NTN1: variants seen among roughly 807,000 people sequenced by gnomAD.
The protein encoded by NTN1 is netrin 1.
Under a neutral mutation model 54.2 loss-of-function variants are expected in NTN1, and 11 were observed. The observed-to-expected ratio is 0.20, with a 90% CI of 0.13 to 0.34. The LOEUF (loss-of-function observed/expected upper bound fraction) is 0.34. NTN1 is among the 10% of genes least tolerant of loss of function. The probability of loss-of-function intolerance (pLI) is 1.00; values close to 1 mark genes in which losing one functional copy is unlikely to be tolerated. For synonymous variants in NTN1, 371 were observed against 382.0 expected (o/e 0.97, Z 0.33); for missense variants, 740 against 893.1 (o/e 0.83, Z 2.18).
intron 5 of NTN1, among the ~76,000 whole-genome samples, chr17:9,183,974 G>A (rs1295615939): frequency 6.6e-6 from 1 of 152,202 alleles, no homozygotes; most frequent in Non-Finnish European, 1.5e-5. Context: ...AGGGCAGAAA[G>A]TGACAGTGGG....
the NTN1 span, among the ~76,000 whole-genome samples, chr17:9,006,520 A>C: frequency 9.9e-5 from 15 of 152,234 alleles, no homozygotes; most frequent in African/African-American, 3.6e-4. Flanking sequence ...AGGAGATGTG[A>C]GGTGTGTGTG....
chr17:9,021,424 G>A (rs1271272521), upstream of NTN1: 3 of 151,168 alleles, frequency 2.0e-5, no homozygotes, highest in African/African-American at 7.3e-5. Context: ...AACTTTGCTC[G>A]GAGCTGGCGG....
the NTN1 span, among the ~76,000 whole-genome samples, chr17:9,010,234 TG>T: frequency 6.6e-6 from 1 of 152,260 alleles, no homozygotes; most frequent in East Asian, 1.9e-4. Context: ...GAAGAACTCC[TG>T]GGGTCCCTGC....
chr17:9,091,620 A>ATTTT (rs1450874153), intron 2 of NTN1, among the ~76,000 whole-genome samples: 5 of 150,594 alleles, frequency 3.3e-5, no homozygotes, highest in African/African-American at 1.2e-4. Flanking sequence ...CGCCCGGCTG[A>ATTTT]TTTTGTATTT....
chr17:9,204,192 C>CTT (rs1421398235), intron 5 of NTN1, among the ~76,000 whole-genome samples: 5,754 of 146,470 alleles, frequency 0.039, 201 homozygotes, highest in East Asian at 0.14. Flanking sequence ...TCCTTCCTTC[C>CTT]CTCCTTCCTT....
chr17:9,007,360 TTTTC>T, the NTN1 span, among the ~76,000 whole-genome samples: 25 of 150,134 alleles, frequency 1.7e-4, no homozygotes, highest in African/African-American at 5.7e-4. Context: ...TCTCTCTCTC[TTTTC>T]TTTCTTTCCT....
rs114758143 is a variant in NTN1 at position 9,217,346 on chromosome 17, C to G, written c.1412-3822C>G. On this transcript the variant is annotated intron_variant, in intron 5 of 6. Transcript: ENST00000173229. ...CCAGATCCCAGCGTTGGGTCATCAT[C>G]AGTTTCGTTTTTGGCACTAGTGTGA... Among the ~76,000 whole-genome samples the G allele has an allele frequency of 7.0e-4, 106 of 152,320 alleles. 2 individuals carry two copies. Among genetic ancestry groups the G allele is most frequent in the African/African-American group, 2.3e-3 (94 of 41,564 alleles).
In NTN1 at chr17:9,069,563, G is replaced by A. The variant is rs533102224; in HGVS notation, c.1018+46172G>A. On this transcript the variant is annotated intron_variant, in intron 2 of 6. Coordinates refer to ENST00000173229, the MANE Select transcript of NTN1 (RefSeq NM_004822.3). ...GAGGTTATTTCCTTTTCAAGAGGAG[G>A]TTGAATTTTCTGAGCAGCTTTCTCC... Among the ~76,000 whole-genome samples the A allele has an allele frequency of 5.3e-5, 8 of 152,304 alleles. No homozygotes were observed. In the East Asian group the frequency reaches 1.5e-3, roughly 29 times the overall value.
chr17:9,088,935 T>A (rs1172403332), intron 2 of NTN1, among the ~76,000 whole-genome samples: 1 of 152,144 alleles, frequency 6.6e-6, no homozygotes, highest in Admixed American at 6.6e-5. Flanking sequence ...CTGAACTATT[T>A]AAACGGTTGG....
chr17:9,113,024 T>A (rs553804708), intron 2 of NTN1, among the ~76,000 whole-genome samples: 38 of 145,440 alleles, frequency 2.6e-4, no homozygotes, highest in African/African-American at 8.9e-4. Context: ...ACAGAATTTT[T>A]TTTATTTTTA....
chr17:9,187,673 A>C (rs970449194), intron 5 of NTN1, among the ~76,000 whole-genome samples: 8 of 151,252 alleles, frequency 5.3e-5, no homozygotes, highest in Non-Finnish European at 7.4e-5. Context: ...AAAAAAAAAA[A>C]AAAAAACATT....
At chr17:9,216,811 G>A (rs1052187033) in intron 5 of NTN1, among the ~76,000 whole-genome samples, 2 of 152,232 alleles carry the variant, frequency 1.3e-5, no homozygotes, top group African/African-American at 4.8e-5. Context: ...GGGAGGCCAA[G>A]GCGGGTGGAT....
In NTN1 at chr17:9,038,685, C is replaced by G. The variant is rs572964808; in HGVS notation, c.1018+15294C>G. Among the ~76,000 whole-genome samples the G allele has an allele frequency of 3.3e-4, 51 of 152,296 alleles. 2 individuals are homozygous for G. In the South Asian group the frequency reaches 9.5e-3, roughly 28 times the overall value. ...CTGTTCCCTCCCTCCTCCCACACAC[C>G]TCATGATCACTGGGGTCTCAGGGTT... On this transcript the variant is annotated intron_variant, in intron 2 of 6. Coordinates refer to ENST00000173229, the MANE Select transcript of NTN1 (RefSeq NM_004822.3).
chr17:9,122,098 C>T (rs1342039104), intron 2 of NTN1, among the ~76,000 whole-genome samples: 2 of 149,602 alleles, frequency 1.3e-5, no homozygotes, highest in Non-Finnish European at 1.5e-5. Flanking sequence ...AGTGCAGTGG[C>T]GCAATCTCGG....
chr17:9,137,562 G>A lies in NTN1; in HGVS notation c.1019-25251G>A, dbSNP rs144993175. Reference sequence around the variant, plus strand: ...AATCCCAGCACTTTGGGAGGCCAAGGTGGGTGGATCACCTGAGGTCAGGAG... The same window carrying A: ...AATCCCAGCACTTTGGGAGGCCAAGATGGGTGGATCACCTGAGGTCAGGAG... On this transcript the variant is annotated intron_variant, in intron 2 of 6. Coordinates refer to ENST00000173229, the MANE Select transcript of NTN1 (RefSeq NM_004822.3). Among the ~76,000 whole-genome samples the A allele has an allele frequency of 7.8e-3, 1,183 of 152,308 alleles. 10 individuals are homozygous for A. Among genetic ancestry groups the A allele is most frequent in the Non-Finnish European group, 0.011 (781 of 68,018 alleles).
chr17:9,191,467 T>C (rs1272261429), intron 5 of NTN1, among the ~76,000 whole-genome samples: 1 of 152,072 alleles, frequency 6.6e-6, no homozygotes, highest in Non-Finnish European at 1.5e-5. Flanking sequence ...TCTCAAAAAA[T>C]AAGTGGAAAA....
At chr17:9,152,294 G>T (rs985215848) in intron 2 of NTN1, among the ~76,000 whole-genome samples, 5 of 152,130 alleles carry the variant, frequency 3.3e-5, no homozygotes, top group Non-Finnish European at 7.4e-5. Flanking sequence ...AAATCCCCCT[G>T]CTGTGCCACC....
In NTN1 at chr17:9,059,106, A is replaced by G. The variant is rs773465269; in HGVS notation, c.1018+35715A>G. On this transcript the variant is annotated intron_variant, in intron 2 of 6. Coordinates refer to ENST00000173229, the MANE Select transcript of NTN1 (RefSeq NM_004822.3). ...TGGTACACAGTAAGCCCTCTATATT[A>G]TCATTCATGGTGATGCCTACCTGCT... Among the ~76,000 whole-genome samples the G allele has an allele frequency of 1.9e-4, 29 of 152,166 alleles. 1 individual carries two copies. The highest frequency in any genetic ancestry group is 7.9e-4 in the Admixed American group (12 of 15,274).
At chr17:9,103,677 T>G (rs2092157213) in intron 2 of NTN1, among the ~76,000 whole-genome samples, 1 of 152,156 alleles carries the variant, frequency 6.6e-6, no homozygotes, top group Admixed American at 6.5e-5. Context: ...AATGGACTAA[T>G]ACAACATACA....
Sources: allele counts gnomAD v4.1 joint callset (sites outside exome capture counted in the v4.1 genomes callset), GRCh38; gene constraint gnomAD v4.1.1; transcripts MANE v1.5; gene names NCBI Gene and HGNC (gene_info 2026-07-23, HGNC 2026-07-21).